GALNT13: variants seen among roughly 807,000 people sequenced by gnomAD.
The protein encoded by GALNT13 is UDP-GalNAc:polypeptide N-acetylgalactosaminyltransferase 13.
In GALNT13, 28 loss-of-function variants were observed where a neutral mutation model predicts 64.2. That is an observed-to-expected ratio of 0.44 (90% CI 0.32 to 0.60). The LOEUF is 0.60. Among genes scored for constraint, GALNT13 ranks in the 20% least tolerant of loss-of-function variants. The pLI is 0.05. For synonymous variants in GALNT13, 214 were observed against 224.6 expected, an observed-to-expected ratio of 0.95 and a Z score of 0.42; for missense variants, 577 against 669.8, an observed-to-expected ratio of 0.86 and a Z score of 1.53.
intron 3 of GALNT13, among the ~76,000 whole-genome samples, chr2:154,038,897 A>G (rs1698819452): frequency 6.6e-6 from 1 of 152,154 alleles, no homozygotes. Context: ...TAAGGAACTC[A>G]AACAACTCAA....
rs796450824 is a variant in GALNT13 at position 154,286,453 on chromosome 2, T to C, written c.976-14956T>C. On this transcript the variant is annotated intron_variant, in intron 8 of 12. Transcript: ENST00000392825. ...ATCATGTGCTTTGGGTTCTTCATTT[T>C]GTTAGACATGCCTTACAAGAAGTAC... 26 of 153,152 alleles carry C rather than the reference T, an allele frequency of 1.7e-4. 1 individual carries two copies. Among genetic ancestry groups the C allele is most frequent in the African/African-American group, 6.3e-4 (26 of 41,586 alleles). The allele number at this position is 153,152 out of a possible 1,614,324, so 9.5% of individuals were successfully genotyped here.
At chr2:154,328,009 AAGG>A (rs573111338) in intron 9 of GALNT13, among the ~76,000 whole-genome samples, 111 of 152,216 alleles carry the variant, frequency 7.3e-4, no homozygotes, top group African/African-American at 2.6e-3. Context: ...ATATTTTTAA[AAGG>A]AGCATAGTAT....
chr2:153,418,783 G>A, the GALNT13 span, among the ~76,000 whole-genome samples: 9 of 152,138 alleles, frequency 5.9e-5, 1 homozygote, highest in Admixed American at 2.6e-4. Context: ...GCTTGACCCC[G>A]GGAGGCAGAG....
At chr2:153,697,054 T>G in the GALNT13 span, among the ~76,000 whole-genome samples, 2 of 152,326 alleles carry the variant, frequency 1.3e-5, no homozygotes, top group Admixed American at 1.3e-4. Context: ...TTTATGTGTT[T>G]CCCTGCAGGA....
At chr2:153,737,753 A>G in the GALNT13 span, among the ~76,000 whole-genome samples, 3 of 152,054 alleles carry the variant, frequency 2.0e-5, no homozygotes, top group Admixed American at 6.6e-5. Flanking sequence ...AGACTTACCT[A>G]TTGTGTTACT....
the GALNT13 span, among the ~76,000 whole-genome samples, chr2:153,690,584 G>A: frequency 6.6e-6 from 1 of 152,104 alleles, no homozygotes; most frequent in Non-Finnish European, 1.5e-5. Context: ...TCAGATGATA[G>A]ATTTATAGAC....
At chr2:153,103,419 C>T in the GALNT13 span, among the ~76,000 whole-genome samples, 1 of 152,314 alleles carries the variant, frequency 6.6e-6, no homozygotes. Flanking sequence ...GCCCACTCTA[C>T]ATAGGCCCCC....
intron 4 of GALNT13, among the ~76,000 whole-genome samples, chr2:154,230,200 A>G (rs1688844198): frequency 6.6e-6 from 1 of 152,130 alleles, no homozygotes; most frequent in Non-Finnish European, 1.5e-5. Flanking sequence ...AGCCCAGACC[A>G]GAGTCCAGAC....
At chr2:154,200,469 A>G (rs1687114565) in intron 4 of GALNT13, among the ~76,000 whole-genome samples, 1 of 152,188 alleles carries the variant, frequency 6.6e-6, no homozygotes, top group Non-Finnish European at 1.5e-5. Context: ...AAAATATCAT[A>G]GACTAATTTA....
the GALNT13 span, among the ~76,000 whole-genome samples, chr2:153,587,230 C>G: frequency 3.3e-5 from 1 of 29,972 alleles, no homozygotes; most frequent in African/African-American, 8.4e-5. Context: ...GAGACTCTGT[C>G]TCAAAAAAAA....
intron 3 of GALNT13, among the ~76,000 whole-genome samples, chr2:153,952,888 A>G (rs1409243865): frequency 1.3e-5 from 2 of 152,160 alleles, no homozygotes; most frequent in Non-Finnish European, 2.9e-5. Context: ...TTGGAGTTCA[A>G]TGTTCGAGGG....
chr2:154,263,167 A>G (rs575657726), intron 8 of GALNT13, among the ~76,000 whole-genome samples: 1 of 152,344 alleles, frequency 6.6e-6, no homozygotes, highest in Non-Finnish European at 1.5e-5. Flanking sequence ...ATGAATGGTT[A>G]CAAGTATGGA....
At chr2:153,565,888 A>C in the GALNT13 span, among the ~76,000 whole-genome samples, 1 of 152,122 alleles carries the variant, frequency 6.6e-6, no homozygotes, top group Admixed American at 6.6e-5. Context: ...TTTATTAATT[A>C]CTTTAAGCAA....
intron 9 of GALNT13, among the ~76,000 whole-genome samples, chr2:154,335,249 C>T (rs767515554): frequency 2.0e-5 from 3 of 151,862 alleles, no homozygotes; most frequent in Non-Finnish European, 4.4e-5. Flanking sequence ...AGACGAGTCA[C>T]GATTTGACAG....
At chr2:153,833,762 G>T in the GALNT13 span, among the ~76,000 whole-genome samples, 573 of 152,136 alleles carry the variant, frequency 3.8e-3, 8 homozygotes, top group African/African-American at 0.013. Context: ...ATTGAATATT[G>T]CCAACCCCTG....
At chr2:154,399,049 C>T (rs1699181261) in intron 10 of GALNT13, among the ~76,000 whole-genome samples, 1 of 152,142 alleles carries the variant, frequency 6.6e-6, no homozygotes, top group African/African-American at 2.4e-5. Context: ...CTAAGGCTCA[C>T]TTTTTCTTAT....
At chr2:153,655,735 A>G in the GALNT13 span, among the ~76,000 whole-genome samples, 1 of 152,064 alleles carries the variant, frequency 6.6e-6, no homozygotes, top group African/African-American at 2.4e-5. Flanking sequence ...AAACTGATAT[A>G]CCTTCTATAG....
the GALNT13 span, among the ~76,000 whole-genome samples, chr2:153,192,360 T>C: frequency 6.6e-6 from 1 of 152,278 alleles, no homozygotes; most frequent in South Asian, 2.1e-4. Flanking sequence ...GTTTCTCTTG[T>C]TACTGATTTC....
chr2:154,332,082 C>T (rs1695196118), intron 9 of GALNT13, among the ~76,000 whole-genome samples: 1 of 152,070 alleles, frequency 6.6e-6, no homozygotes. Flanking sequence ...TTCAAAATAC[C>T]ATGCTTCTCA....
Sources: gnomAD v4.1 joint callset for allele counts (sites outside exome capture counted in the v4.1 genomes callset) on GRCh38, gnomAD v4.1.1 for gene constraint, MANE v1.5 for transcripts, NCBI Gene and HGNC (gene_info 2026-07-23, HGNC 2026-07-21) for gene names.